SYT1: variants seen among roughly 807,000 people sequenced by gnomAD.
SYT1 encodes the protein synaptotagmin-1.
Under a neutral mutation model 44.8 loss-of-function variants are expected in SYT1, and 8 were observed. The observed-to-expected ratio is 0.18, with a 90% CI of 0.10 to 0.32. The LOEUF is 0.32. Among genes scored for constraint, SYT1 ranks in the 10% least tolerant of loss-of-function variants. SYT1 has a pLI of 1.00. For missense variants in SYT1, 286 were observed against 509.3 expected, an observed-to-expected ratio of 0.56 and a Z score of 4.22; for synonymous variants, 154 against 188.8, an observed-to-expected ratio of 0.82 and a Z score of 1.51.
chr12:79,153,753 C>G (rs1190052251), intron 3 of SYT1, among the ~76,000 whole-genome samples: 1 of 151,952 alleles, frequency 6.6e-6, no homozygotes, highest in African/African-American at 2.4e-5. Flanking sequence ...GTTCATAGGT[C>G]TTTACTTAAA....
At chr12:79,297,893 A>G (rs1483572299) in intron 7 of SYT1, among the ~76,000 whole-genome samples, 1 of 152,180 alleles carries the variant, frequency 6.6e-6, no homozygotes, top group African/African-American at 2.4e-5. Context: ...CCCCCAAAAC[A>G]GTTATCTGAA....
chr12:78,985,578 CT>C (rs1464604777), intron 2 of SYT1, among the ~76,000 whole-genome samples: 1 of 151,528 alleles, frequency 6.6e-6, no homozygotes, highest in Non-Finnish European at 1.5e-5. Flanking sequence ...CATGAACCCC[CT>C]TCATGTTAAT....
intron 4 of SYT1, among the ~76,000 whole-genome samples, chr12:79,270,812 C>T (rs910962369): frequency 3.3e-5 from 5 of 152,124 alleles, no homozygotes; most frequent in African/African-American, 7.2e-5. Context: ...AAAGACTGTC[C>T]GCTCTACTTC....
chr12:78,930,583 A>G (rs1223710757), intron 1 of SYT1, among the ~76,000 whole-genome samples: 1 of 151,926 alleles, frequency 6.6e-6, no homozygotes, highest in Non-Finnish European at 1.5e-5. Context: ...AGGATGATCG[A>G]AGCCTCAATC....
intron 8 of SYT1, among the ~76,000 whole-genome samples, chr12:79,328,144 T>C (rs1489444422): frequency 1.3e-5 from 2 of 152,162 alleles, no homozygotes; most frequent in Non-Finnish European, 2.9e-5. Context: ...ATGAACGATA[T>C]GGCTGTGAAG....
chr12:79,332,485 A>G (rs1881898628), intron 8 of SYT1, among the ~76,000 whole-genome samples: 1 of 152,212 alleles, frequency 6.6e-6, no homozygotes. Flanking sequence ...ACTCTACCAC[A>G]ACATGCAATG....
At chr12:79,446,475 T>C (rs1342380297) in intron 10 of SYT1, among the ~76,000 whole-genome samples, 1 of 152,158 alleles carries the variant, frequency 6.6e-6, no homozygotes, top group African/African-American at 2.4e-5. Flanking sequence ...CAGTCACTAA[T>C]TTGACCAAGG....
chr12:78,890,911 C>T (rs1328466553), intron 1 of SYT1, among the ~76,000 whole-genome samples: 1 of 151,860 alleles, frequency 6.6e-6, no homozygotes, highest in Non-Finnish European at 1.5e-5. Context: ...TACAACTATG[C>T]AATAATTATG....
chr12:79,319,741 A>G (rs937895264), intron 8 of SYT1, among the ~76,000 whole-genome samples: 3 of 152,186 alleles, frequency 2.0e-5, no homozygotes, highest in Non-Finnish European at 4.4e-5. Flanking sequence ...TGCATGAAAA[A>G]TCTCATATAA....
intron 3 of SYT1, among the ~76,000 whole-genome samples, chr12:79,178,335 T>C (rs1336447754): frequency 1.3e-5 from 2 of 152,100 alleles, no homozygotes; most frequent in Non-Finnish European, 2.9e-5. Flanking sequence ...TCAATTTTTT[T>C]GTAGTCCATC....
intron 4 of SYT1, among the ~76,000 whole-genome samples, chr12:79,223,037 G>A (rs1455033313): frequency 6.6e-6 from 1 of 151,602 alleles, no homozygotes; most frequent in Non-Finnish European, 1.5e-5. Context: ...TTCTCATTTT[G>A]TTTTCTTGAA....
chr12:79,295,958 A>C, intron 6 of SYT1, 111 bp from the exon 7 acceptor site: 1 of 1,223,416 alleles, frequency 8.2e-7, no homozygotes, highest in Non-Finnish European at 1.1e-6. Context: ...AGTTTTATTA[A>C]AAATAAATAG....
Position 78,956,688 on chromosome 12 carries a change from G to A in SYT1, c.-216-21111G>A, listed in dbSNP as rs150124655. 2.7e-3 allele frequency among the ~76,000 whole-genome samples: 418 copies of A among 152,034 alleles called. 2 individuals carry two copies. Among genetic ancestry groups the A allele is most frequent in the African/African-American group, 9.7e-3 (403 of 41,488 alleles). ...GTAATATTTATTGAGATTTGACTCCGTATATATAAGGGAGTTTCAAAAAGC... is the reference window on the plus strand; with the variant it reads ...GTAATATTTATTGAGATTTGACTCCATATATATAAGGGAGTTTCAAAAAGC... On this transcript the variant is annotated intron_variant, in intron 1 of 10. Transcript: ENST00000261205.
At chr12:79,421,274 T>A (rs1405931318) in intron 9 of SYT1, among the ~76,000 whole-genome samples, 2 of 152,176 alleles carry the variant, frequency 1.3e-5, no homozygotes, top group Non-Finnish European at 2.9e-5. Flanking sequence ...TGTTTTCCCA[T>A]CCATTGTGGT....
intron 8 of SYT1, among the ~76,000 whole-genome samples, chr12:79,306,562 T>TC (rs1351872977): frequency 2.0e-5 from 3 of 152,244 alleles, no homozygotes; most frequent in Admixed American, 1.3e-4. Context: ...AGCATTAACA[T>TC]CATTACATGG....
intron 3 of SYT1, among the ~76,000 whole-genome samples, chr12:79,151,619 C>G (rs1171500938): frequency 6.6e-6 from 1 of 152,096 alleles, no homozygotes; most frequent in African/African-American, 2.4e-5. Flanking sequence ...TGACCAGGTA[C>G]AGCCAATATT....
chr12:79,323,925 TA>T (rs1230274994), intron 8 of SYT1, among the ~76,000 whole-genome samples: 1 of 150,312 alleles, frequency 6.7e-6, no homozygotes, highest in African/African-American at 2.4e-5. Context: ...AGGCTAAGAT[TA>T]TGGTATTTTT....
chr12:79,020,442 G>T (rs1514918), intron 2 of SYT1, among the ~76,000 whole-genome samples: 11,222 of 151,858 alleles, frequency 0.074, 520 homozygotes, highest in East Asian at 0.15. Context: ...CTCTGAAAAA[G>T]AAGAAAATAT....
intron 9 of SYT1, among the ~76,000 whole-genome samples, chr12:79,381,186 C>T (rs1056912485): frequency 6.6e-6 from 1 of 152,258 alleles, no homozygotes; most frequent in African/African-American, 2.4e-5. Flanking sequence ...GCTGAATTCC[C>T]TGATTCCTAC....
Sources: allele counts gnomAD v4.1 joint callset (sites outside exome capture counted in the v4.1 genomes callset), GRCh38; gene constraint gnomAD v4.1.1; transcripts MANE v1.5; gene names NCBI Gene and HGNC (gene_info 2026-07-23, HGNC 2026-07-21).